The following RNF213 variants were observed in gnomAD, a reference collection of about 807,000 sequenced individuals.
RNF213 encodes the protein E3 ubiquitin-protein ligase RNF213.
RNF213 carries 341 observed loss-of-function variants against 514.4 expected under a neutral mutation model. That is an observed-to-expected ratio of 0.66 (90% CI 0.61 to 0.73). The LOEUF is 0.73. RNF213 is among the 30% of genes least tolerant of loss of function. RNF213 has a pLI of 0.00. For missense variants in RNF213, 5,767 were observed against 6,615.6 expected (o/e 0.87, Z 4.45); for synonymous variants, 2,655 against 2,658.2 (o/e 1.00, Z 0.04).
In RNF213 at chr17:80,395,357, T is replaced by C. The variant is rs2080634532; in HGVS notation, c.*1859T>C. The C allele has an allele frequency of 6.6e-6, 1 of 152,218 alleles. No individual in the cohort carries two copies. The highest frequency in any genetic ancestry group is 6.5e-5 in the Admixed American group (1 of 15,280). The allele number at this position is 152,218 out of a possible 1,614,324, so 9.4% of individuals were successfully genotyped here. ...AGCTTCTATTTATGGCACATAGACA[T>C]CAGCTAGGCTTTTGGGAATCGTTTG... On this transcript the variant is annotated 3_prime_UTR_variant, in exon 68 of 68. Transcript: ENST00000582970.
intron 15 of RNF213, chr17:80,315,785 TGG>T (rs2045911734): frequency 3.2e-5 from 1 of 31,428 alleles, no homozygotes; most frequent in Non-Finnish European, 7.3e-5. Flanking sequence ...GTGGTGGTGG[TGG>T]TGGTGGTGGT....
At chr17:80,281,578 CACT>C (rs2044293890) in intron 3 of RNF213, among the ~76,000 whole-genome samples, 2 of 58,920 alleles carry the variant, frequency 3.4e-5, no homozygotes, top group Non-Finnish European at 8.6e-5. Context: ...CCACTCACAC[CACT>C]CACACACTGC....
intron 8 of RNF213, among the ~76,000 whole-genome samples, chr17:80,293,350 T>A (rs956752044): frequency 4.6e-5 from 7 of 152,090 alleles, no homozygotes; most frequent in African/African-American, 1.2e-4. Context: ...CGTGAGCCAC[T>A]GTGCCCAGCC....
chr17:80,383,022 G>T lies in RNF213; in HGVS notation c.14022G>T (p.Arg4674Ser), dbSNP rs2080084893. The T allele has an allele frequency of 1.9e-6, 3 of 1,614,004 alleles. No homozygotes were observed. The South Asian group carries it at 3.3e-5, about 18-fold the overall frequency. ...FDTELSTKEM[R>S]NNWEKEIAAV... ...CAGAATTGTCAACTAAAGAAATGAG[G>T]AACAACTGGGAAAAGGAAATCGCAG... is the stretch of plus-strand genomic sequence containing the variant. Residue 4674 changes from arginine to serine, a missense_variant, in exon 58 of 68, where the codon AGG becomes AGT. Around this residue, in one of 13 missense-constraint regions of RNF213, gnomAD observed 1,245 missense variants for 1,339.0 expected, o/e 0.93. Coordinates refer to ENST00000582970, the MANE Select transcript of RNF213 (RefSeq NM_001256071.3).
intron 3 of RNF213, among the ~76,000 whole-genome samples, chr17:80,284,671 G>GT (rs2044409363): frequency 1.3e-5 from 2 of 152,212 alleles, no homozygotes; most frequent in South Asian, 4.1e-4. Context: ...GTGAGGCTTG[G>GT]TGCAGGCGTC....
At chr17:80,290,422 C>CGAGTGTGCGCGTGTGTGCATGTGTGT in intron 6 of RNF213, 148 bp from the exon 7 acceptor site, 1 of 862,784 alleles carries the variant, frequency 1.2e-6, no homozygotes. Flanking sequence ...TGCGTGTGTG[C>CGAGTGTGCGCGTGTGTGCATGTGTGT]GAGTGTGCGC....
At chr17:80,355,640 A>G (rs2078761966) in intron 36 of RNF213, among the ~76,000 whole-genome samples, 1 of 31,804 alleles carries the variant, frequency 3.1e-5, no homozygotes, top group African/African-American at 1.3e-4. Flanking sequence ...CTTACAGGGG[A>G]AGAAGCGGGG....
intron 65 of RNF213, 62 bp downstream of exon 65, chr17:80,389,429 G>T: frequency 6.8e-7 from 1 of 1,461,740 alleles, no homozygotes; most frequent in Middle Eastern, 1.7e-4. Flanking sequence ...TGCTTCCCGC[G>T]AGGGATAGGA....
intron 23 of RNF213, chr17:80,336,797 TG>T (rs2077999754): frequency 3.0e-6 from 1 of 335,284 alleles, no homozygotes; most frequent in African/African-American, 2.2e-5. Flanking sequence ...CCAGCTACTC[TG>T]GAGGCTGAGA....
intron 55 of RNF213, among the ~76,000 whole-genome samples, chr17:80,380,622 G>A (rs575395176): frequency 1.3e-5 from 2 of 152,274 alleles, no homozygotes; most frequent in African/African-American, 4.8e-5. Flanking sequence ...GCCACCTGAC[G>A]CTGAGAATGC....
At chr17:80,327,511 G>A (rs929590983) in intron 18 of RNF213, among the ~76,000 whole-genome samples, 1 of 151,830 alleles carries the variant, frequency 6.6e-6, no homozygotes, top group Non-Finnish European at 1.5e-5. Flanking sequence ...CAGTCCATCC[G>A]TATACTGAAG....
Position 80,377,629 on chromosome 17 carries a change from T to G in RNF213, c.13511-133T>G. ...GCAGGTGTCATGTAACTTAACAAAT[T>G]AGCGTGGGATGCTCTGGACAGTCAT... is the stretch of plus-strand genomic sequence containing the variant. On this transcript the variant is annotated intron_variant, in intron 53 of 67. Transcript: ENST00000582970. The surrounding 1 kb of genome is among the most constrained non-coding windows in gnomAD (Gnocchi z 4.1). The G allele has an allele frequency of 1.1e-6, 1 of 932,308 alleles. No homozygotes were observed. Among genetic ancestry groups the G allele is most frequent in the Non-Finnish European group, 1.8e-6 (1 of 558,648 alleles). 57.8% of individuals were successfully genotyped at this position (932,308 alleles called of 1,614,324 possible). A position where few individuals can be genotyped will look rare whatever the true frequency, so the allele number is the denominator to read the frequency against.
In RNF213 at chr17:80,379,565, G is replaced by T. The variant is rs1278742662; in HGVS notation, c.13546-55G>T. ...GGTGTTCATTTGCATGATGGCATTT[G>T]TGCATAAAATGGTACTGCTCCAGAA... On this transcript the variant is annotated intron_variant, in intron 54 of 67. Transcript: ENST00000582970. 22 of 1,473,060 alleles carry T rather than the reference G, an allele frequency of 1.5e-5. No homozygotes were observed. The African/African-American group carries it at 2.9e-4, about 19-fold the overall frequency. The allele number at this position is 1,473,060 out of a possible 1,614,324, so 91.2% of individuals were successfully genotyped here.
In RNF213 at chr17:80,306,401, A is replaced by G. The variant is rs1188217388; in HGVS notation, c.2360A>G (p.His787Arg). Residue 787 changes from histidine to arginine, a missense_variant, in exon 12 of 68, where the codon CAT becomes CGT. His to Arg is a conservative substitution (Grantham distance 29). Coordinates refer to ENST00000582970, the MANE Select transcript of RNF213 (RefSeq NM_001256071.3). ...GAGCACCTGGGTCGTTTTCCTGCTC[A>G]TATCCTGGACTGTCTTTCAGGGATT... ...FIEHLGRFPA[H>R]ILDCLSGIYY... 1 of 1,614,032 alleles carries G rather than the reference A, an allele frequency of 6.2e-7. No individual in the cohort carries two copies. Among genetic ancestry groups the G allele is most frequent in the East Asian group, 2.2e-5 (1 of 44,892 alleles).
At chr17:80,281,284 CA>C (rs2044259515) in intron 3 of RNF213, among the ~76,000 whole-genome samples, 4 of 93,736 alleles carry the variant, frequency 4.3e-5, no homozygotes, top group African/African-American at 1.2e-4. Context: ...CACTCCCCCC[CA>C]CACACATACC....
At chr17:80,272,631 A>T (rs2043862825) in intron 2 of RNF213, among the ~76,000 whole-genome samples, 1 of 152,196 alleles carries the variant, frequency 6.6e-6, no homozygotes, top group Non-Finnish European at 1.5e-5. Flanking sequence ...CAGCACTGGC[A>T]TACTGGGGAT....
intron 11 of RNF213, chr17:80,298,829 A>AT: frequency 3.1e-6 from 1 of 321,990 alleles, no homozygotes; most frequent in Middle Eastern, 1.1e-3. Flanking sequence ...AAAAAAAAAA[A>AT]TTAGCCAGGT....
chr17:80,358,441 G>A lies in RNF213; in HGVS notation c.11016G>A (p.Thr3672=), dbSNP rs765773812. 14 of 1,613,994 alleles carry A rather than the reference G, an allele frequency of 8.7e-6. No homozygotes were observed. Among genetic ancestry groups the A allele is most frequent in the South Asian group, 5.5e-5 (5 of 91,062 alleles). The part of the protein sequence containing the change: ...RDLWMFIFSD[T]MLLNIPLVMN... ...TTTGGATGTTTATTTTCAGTGACAC[G>A]ATGCTTCTGAACATTCCTCTTGTGA... Residue 3672 remains threonine (T), a synonymous_variant, in exon 37 of 68, where the codon ACG becomes ACA. Coordinates refer to ENST00000582970, the MANE Select transcript of RNF213 (RefSeq NM_001256071.3).
intron 23 of RNF213, 114 bp downstream of exon 23, chr17:80,336,492 C>A (rs776728199): frequency 1.1e-6 from 1 of 896,568 alleles, no homozygotes; most frequent in South Asian, 1.4e-5. Flanking sequence ...TTGTACACAG[C>A]CGTTTTCAAT....
Sources: gnomAD v4.1 joint callset for allele counts (sites outside exome capture counted in the v4.1 genomes callset) on GRCh38, gnomAD v4.1.1 for gene constraint, gnomAD v4.1.1 regional missense constraint, Gnocchi (gnomAD v3.1) non-coding constraint, MANE v1.5 for transcripts, NCBI Gene and HGNC (gene_info 2026-07-23, HGNC 2026-07-21) for gene names.